The following RIN3 variants were observed in gnomAD, a reference collection of about 807,000 sequenced individuals.
The protein encoded by RIN3 is RAB5 interacting protein 3.
RIN3 carries 54 observed loss-of-function variants against 76.3 expected under a neutral mutation model. The ratio of observed to expected loss-of-function variants is 0.71; its 90% CI spans 0.57 to 0.89. The LOEUF (loss-of-function observed/expected upper bound fraction) is 0.89. RIN3 is among the 40% of genes least tolerant of loss of function. The pLI, the probability that RIN3 is intolerant of heterozygous loss-of-function variation, is 0.00. For synonymous variants in RIN3, 576 were observed against 564.0 expected (o/e 1.02, Z -0.30); for missense variants, 1,256 against 1,322.1 (o/e 0.95, Z 0.78).
intron 1 of RIN3, among the ~76,000 whole-genome samples, chr14:92,516,525 T>G (rs777313158): frequency 6.6e-6 from 1 of 152,118 alleles, no homozygotes; most frequent in Non-Finnish European, 1.5e-5. Flanking sequence ...TGACTGGCAC[T>G]TAGCTAGGAG....
At chr14:92,583,229 T>C (rs919124046) in intron 3 of RIN3, among the ~76,000 whole-genome samples, 2 of 152,236 alleles carry the variant, frequency 1.3e-5, no homozygotes, top group Non-Finnish European at 2.9e-5. Flanking sequence ...CACACAGAGC[T>C]GAGGCAAGGG....
intron 4 of RIN3, among the ~76,000 whole-genome samples, chr14:92,626,008 G>T (rs1206391813): frequency 6.6e-6 from 1 of 152,084 alleles, no homozygotes; most frequent in African/African-American, 2.4e-5. Flanking sequence ...GGGTCTTCTG[G>T]ATCCAAATCT....
chr14:92,646,399 T>G (rs2140136096), intron 5 of RIN3, among the ~76,000 whole-genome samples: 1 of 152,332 alleles, frequency 6.6e-6, no homozygotes. Context: ...CTTATGACAC[T>G]TTTTCATCTT....
intron 4 of RIN3, among the ~76,000 whole-genome samples, chr14:92,619,170 C>A (rs1176900316): frequency 3.3e-5 from 5 of 152,036 alleles, no homozygotes; most frequent in Non-Finnish European, 7.4e-5. Context: ...TCTCATGTAC[C>A]TAAACATGTC....
chr14:92,569,670 T>G (rs930712228), intron 2 of RIN3, among the ~76,000 whole-genome samples: 1 of 151,694 alleles, frequency 6.6e-6, no homozygotes. Flanking sequence ...GAAATAGCTA[T>G]GGGCTAGGTG....
At chr14:92,597,243 A>C (rs1354580735) in intron 3 of RIN3, among the ~76,000 whole-genome samples, 2 of 152,202 alleles carry the variant, frequency 1.3e-5, no homozygotes, top group Admixed American at 6.5e-5. Context: ...ACAGGAAATA[A>C]ATTTCAATCA....
intron 5 of RIN3, among the ~76,000 whole-genome samples, chr14:92,645,815 G>A (rs553392038): frequency 2.1e-4 from 32 of 152,166 alleles, no homozygotes; most frequent in Non-Finnish European, 3.2e-4. Context: ...TTAGCCAGGC[G>A]TGATGTCACA....
rs532636663 is a variant in RIN3 at position 92,555,536 on chromosome 14, C to T, written c.45-215C>T. Among the ~76,000 whole-genome samples, 40 of 152,298 alleles carry T rather than the reference C, an allele frequency of 2.6e-4. 1 individual carries two copies. In the South Asian group the frequency reaches 6.6e-3, roughly 25 times the overall value. On this transcript the variant is annotated intron_variant, in intron 1 of 9. Coordinates refer to ENST00000216487, the MANE Select transcript of RIN3 (RefSeq NM_024832.5). ...TTCCAGAAAAGGAGGAACAACATCTCGGAGCCTCACATCCTGGGTCGGGTG... is the reference window on the plus strand; with the variant it reads ...TTCCAGAAAAGGAGGAACAACATCTTGGAGCCTCACATCCTGGGTCGGGTG...
intron 1 of RIN3, among the ~76,000 whole-genome samples, chr14:92,522,193 C>T (rs74072906): frequency 0.034 from 5,182 of 152,140 alleles, 280 homozygotes; most frequent in African/African-American, 0.12. Flanking sequence ...CACCTTCTTC[C>T]CCCTCCTCTG....
Position 92,621,644 on chromosome 14 carries a change from A to AT in RIN3, c.440+6166dup, listed in dbSNP as rs548855556. Among the ~76,000 whole-genome samples the AT allele has an allele frequency of 3.4e-3, 515 of 152,344 alleles. 1 individual carries two copies. Among genetic ancestry groups the AT allele is most frequent in the Admixed American group, 6.2e-3 (95 of 15,308 alleles). On this transcript the variant is annotated intron_variant, in intron 4 of 9. Coordinates refer to ENST00000216487, the MANE Select transcript of RIN3 (RefSeq NM_024832.5). ...AGGACCTGGGATCAATAGAAAGGAA[A>AT]TGTTCATAAAAGATTGTGAAAAACC...
intron 3 of RIN3, among the ~76,000 whole-genome samples, chr14:92,577,870 T>C (rs2140060100): frequency 6.6e-6 from 1 of 152,348 alleles, no homozygotes; most frequent in South Asian, 2.1e-4. Flanking sequence ...TTTCTGAGCC[T>C]CAGTTTTCTC....
chr14:92,555,310 A>G (rs1254735782), intron 1 of RIN3, among the ~76,000 whole-genome samples: 3 of 152,096 alleles, frequency 2.0e-5, no homozygotes, highest in Non-Finnish European at 2.9e-5. Flanking sequence ...TACTTGTACC[A>G]TAGCTGTGTC....
chr14:92,602,150 G>T (rs1030459107), intron 3 of RIN3, among the ~76,000 whole-genome samples: 1 of 152,336 alleles, frequency 6.6e-6, no homozygotes, highest in South Asian at 2.1e-4. Context: ...TGAGGTCTGG[G>T]CCCTGCTCTC....
At chr14:92,615,634 G>A in intron 4 of RIN3, 155 bp downstream of exon 4, 1 of 669,162 alleles carries the variant, frequency 1.5e-6, no homozygotes, top group Non-Finnish European at 2.7e-6. Flanking sequence ...GGGAACCACA[G>A]AGGATGTGTT....
chr14:92,591,048 C>T (rs1455857209), intron 3 of RIN3, among the ~76,000 whole-genome samples: 1 of 152,118 alleles, frequency 6.6e-6, no homozygotes, highest in Non-Finnish European at 1.5e-5. Flanking sequence ...TAATTTAAAG[C>T]AACTATGATT....
rs1888646704 is a variant in RIN3 at position 92,681,124 on chromosome 14, A to G, written c.2468-3863A>G. 1.3e-5 allele frequency among the ~76,000 whole-genome samples: 2 copies of G among 152,176 alleles called. No homozygotes were observed. The highest frequency in any genetic ancestry group is 4.1e-4 in the South Asian group (2 of 4,828). On this transcript the variant is annotated intron_variant, in intron 8 of 9. Transcript: ENST00000216487. The surrounding 1 kb of genome is among the most constrained non-coding windows in gnomAD (Gnocchi z 4.7). ...ACCCCTTTGCCCATGTCCCTTCCCTAGTCTGCCTGACAGCTGGCCATGCCG... is the reference window on the plus strand; with the variant it reads ...ACCCCTTTGCCCATGTCCCTTCCCTGGTCTGCCTGACAGCTGGCCATGCCG...
At chr14:92,622,866 C>T (rs897858164) in intron 4 of RIN3, among the ~76,000 whole-genome samples, 1 of 152,224 alleles carries the variant, frequency 6.6e-6, no homozygotes, top group Admixed American at 6.5e-5. Flanking sequence ...TGGTCAACAA[C>T]AATTTCCTCC....
chr14:92,629,620 C>T (rs1054083472), intron 4 of RIN3, among the ~76,000 whole-genome samples: 1 of 152,216 alleles, frequency 6.6e-6, no homozygotes, highest in Non-Finnish European at 1.5e-5. Context: ...ACCCTATTTT[C>T]CTGCCCCAGT....
chr14:92,589,071 G>A (rs1195004423), intron 3 of RIN3, among the ~76,000 whole-genome samples: 1 of 152,086 alleles, frequency 6.6e-6, no homozygotes, highest in Non-Finnish European at 1.5e-5. Flanking sequence ...TCCCTGCAAG[G>A]CTACTTAGGT....
Sources: allele counts gnomAD v4.1 joint callset (sites outside exome capture counted in the v4.1 genomes callset), GRCh38; gene constraint gnomAD v4.1.1; non-coding constraint Gnocchi (gnomAD v3.1); transcripts MANE v1.5; gene names NCBI Gene and HGNC (gene_info 2026-07-23, HGNC 2026-07-21).